The following SCD5 variants were observed in gnomAD, a reference collection of about 807,000 sequenced individuals.
The protein encoded by SCD5 is acyl-CoA-desaturase 4.
In SCD5, 20 loss-of-function variants were observed where a neutral mutation model predicts 30.4. The ratio of observed to expected loss-of-function variants is 0.66; its 90% CI spans 0.46 to 0.96. SCD5 has a LOEUF of 0.96. SCD5 is among the 40% of genes least tolerant of loss of function. The pLI, the probability that SCD5 is intolerant of heterozygous loss-of-function variation, is 0.00. For synonymous variants in SCD5, 173 were observed against 176.4 expected (o/e 0.98, Z 0.16); for missense variants, 381 against 443.3 (o/e 0.86, Z 1.26).
At chr4:82,637,001 C>T (rs567216636) in intron 3 of SCD5, among the ~76,000 whole-genome samples, 178 bp from the exon 4 acceptor site, 1 of 152,284 alleles carries the variant, frequency 6.6e-6, no homozygotes, top group South Asian at 2.1e-4. Context: ...CATATACCTG[C>T]AAGGGCTAGG....
intron 3 of SCD5, among the ~76,000 whole-genome samples, chr4:82,637,081 T>G (rs1239091194): frequency 6.6e-6 from 1 of 152,180 alleles, no homozygotes; most frequent in African/African-American, 2.4e-5. Flanking sequence ...GTGGCATACC[T>G]CAGAATAACT....
At chr4:82,679,247 A>G (rs541680720) in intron 3 of SCD5, among the ~76,000 whole-genome samples, 23 of 110,556 alleles carry the variant, frequency 2.1e-4, no homozygotes, top group African/African-American at 7.4e-4. Flanking sequence ...AAAGAAAGAA[A>G]GAAAGAAAGA....
chr4:82,690,032 A>G (rs1304990266), intron 2 of SCD5, among the ~76,000 whole-genome samples: 2 of 152,238 alleles, frequency 1.3e-5, no homozygotes, highest in Admixed American at 6.5e-5. Context: ...ACTATTCCAG[A>G]TGAATGGAAT....
intron 2 of SCD5, among the ~76,000 whole-genome samples, chr4:82,699,370 T>C (rs1210151778): frequency 2.0e-5 from 3 of 152,128 alleles, no homozygotes; most frequent in African/African-American, 7.2e-5. Flanking sequence ...AGTACCTACT[T>C]TGTAGGGGCA....
chr4:82,700,395 T>C (rs1560537536), intron 2 of SCD5, among the ~76,000 whole-genome samples: 1 of 152,074 alleles, frequency 6.6e-6, no homozygotes, highest in African/African-American at 2.4e-5. Flanking sequence ...GGTATCATCA[T>C]ATTCAAACTG....
At chr4:82,790,020 C>T (rs1683479587) in intron 1 of SCD5, among the ~76,000 whole-genome samples, 1 of 152,048 alleles carries the variant, frequency 6.6e-6, no homozygotes, top group South Asian at 2.1e-4. Flanking sequence ...AAATCAAATG[C>T]CCAACTGAGA....
intron 3 of SCD5, among the ~76,000 whole-genome samples, chr4:82,671,657 C>T (rs540891075): frequency 2.0e-4 from 31 of 152,318 alleles, no homozygotes; most frequent in African/African-American, 7.0e-4. Flanking sequence ...GTGGATGGAT[C>T]ACCTGAAATC....
At chr4:82,716,873 T>G (rs1475677237) in intron 1 of SCD5, among the ~76,000 whole-genome samples, 2 of 151,804 alleles carry the variant, frequency 1.3e-5, no homozygotes, top group Non-Finnish European at 2.9e-5. Flanking sequence ...TGGTTATGTC[T>G]GCACTAAATA....
At chr4:82,774,628 C>G (rs990813680) in intron 1 of SCD5, among the ~76,000 whole-genome samples, 6 of 152,142 alleles carry the variant, frequency 3.9e-5, no homozygotes, top group African/African-American at 1.4e-4. Context: ...CACAGAAACC[C>G]ACAAACCACT....
At position 82,694,835 on chromosome 4, in the gene SCD5, C is replaced by T. The variant is rs578106780; in HGVS notation, c.363+10448G>A. On this transcript the variant is annotated intron_variant, in intron 2 of 4. Coordinates refer to ENST00000319540, the MANE Select transcript of SCD5 (RefSeq NM_001037582.3). ...TGGTGGAGGCAGAAGAAAATCCATG[C>T]ATTTAAGTGAAGCTGCGCAGTTCAA... Among the ~76,000 whole-genome samples the T allele has an allele frequency of 2.0e-5, 3 of 152,264 alleles. No homozygotes were observed. The South Asian group carries it at 6.2e-4, about 32-fold the overall frequency.
intron 1 of SCD5, among the ~76,000 whole-genome samples, chr4:82,731,461 C>T (rs999315980): frequency 2.0e-5 from 3 of 152,224 alleles, no homozygotes; most frequent in African/African-American, 7.2e-5. Flanking sequence ...CTGTGAGCCA[C>T]TCCAGGACCA....
chr4:82,679,751 G>T (rs369303417), intron 3 of SCD5, among the ~76,000 whole-genome samples: 5 of 152,122 alleles, frequency 3.3e-5, no homozygotes, highest in African/African-American at 1.2e-4. Context: ...AGAGGCTTTG[G>T]GGGGAAAGAG....
At chr4:82,772,296 T>C (rs765959338) in intron 1 of SCD5, among the ~76,000 whole-genome samples, 2 of 152,190 alleles carry the variant, frequency 1.3e-5, no homozygotes, top group Non-Finnish European at 2.9e-5. Context: ...GTGACAAGTA[T>C]CCTTTGGATC....
In SCD5 at chr4:82,798,546, G is replaced by T; in HGVS notation, c.-9C>A. 6.4e-7 allele frequency: 1 copy of T among 1,569,230 alleles called. No individual in the cohort carries two copies. ...GTGGCCGGGCCTGGCATGGCTGGGC[G>T]AGGTGGGCGCCCGCAGCAGCGGCAG... On this transcript the variant is annotated 5_prime_UTR_variant, in exon 1 of 5. Transcript: ENST00000319540.
chr4:82,661,956 T>C (rs1728019469), intron 3 of SCD5, among the ~76,000 whole-genome samples: 1 of 152,230 alleles, frequency 6.6e-6, no homozygotes, highest in Non-Finnish European at 1.5e-5. Flanking sequence ...CGTGGGGACG[T>C]TTCCACTGTG....
intron 3 of SCD5, among the ~76,000 whole-genome samples, chr4:82,664,573 T>C (rs911114183): frequency 1.3e-5 from 2 of 152,094 alleles, no homozygotes; most frequent in Non-Finnish European, 2.9e-5. Flanking sequence ...AAGGGATCTA[T>C]GGAAAAGGTG....
chr4:82,744,215 T>C (rs1341703720), intron 1 of SCD5, among the ~76,000 whole-genome samples: 3 of 152,188 alleles, frequency 2.0e-5, no homozygotes, highest in Non-Finnish European at 4.4e-5. Flanking sequence ...TTCTCCCAAA[T>C]ATGTTTTAAA....
intron 3 of SCD5, among the ~76,000 whole-genome samples, chr4:82,644,888 G>A (rs539696037): frequency 2.8e-4 from 42 of 152,308 alleles, no homozygotes; most frequent in African/African-American, 9.9e-4. Flanking sequence ...ATTGTAAAAT[G>A]TTGACAATAT....
Position 82,699,911 on chromosome 4 carries a change from C to T in SCD5, c.363+5372G>A, listed in dbSNP as rs191203593. ...TCTTGACCTCGTAATCCGCCTGCCTCGGCCTCCCAAAGTGCTGGGATTATA... is the reference window on the plus strand; with the variant it reads ...TCTTGACCTCGTAATCCGCCTGCCTTGGCCTCCCAAAGTGCTGGGATTATA... On this transcript the variant is annotated intron_variant, in intron 2 of 4. Transcript: ENST00000319540. 6.0e-3 allele frequency among the ~76,000 whole-genome samples: 906 copies of T among 151,842 alleles called. 11 individuals carry two copies. The highest frequency in any genetic ancestry group is 0.02 in the African/African-American group (846 of 41,474).
Sources: gnomAD v4.1 joint callset for allele counts (sites outside exome capture counted in the v4.1 genomes callset) on GRCh38, gnomAD v4.1.1 for gene constraint, MANE v1.5 for transcripts, NCBI Gene and HGNC (gene_info 2026-07-23, HGNC 2026-07-21) for gene names.